The following NPHP4 variants were observed in gnomAD, a reference collection of about 807,000 sequenced individuals.
NPHP4 encodes the protein nephrocystin-4.
NPHP4 carries 151 observed loss-of-function variants against 155.8 expected under a neutral mutation model. The ratio of observed to expected loss-of-function variants is 0.97; its 90% CI spans 0.85 to 1.11. The LOEUF (loss-of-function observed/expected upper bound fraction) is 1.11. Among genes scored for constraint, NPHP4 ranks in the 50% least tolerant of loss-of-function variants. The probability of loss-of-function intolerance (pLI) is 0.00; values close to 1 mark genes in which losing one functional copy is unlikely to be tolerated. For synonymous variants in NPHP4, 845 were observed against 816.8 expected, an observed-to-expected ratio of 1.03 and a Z score of -0.59; for missense variants, 1,956 against 1,925.7, an observed-to-expected ratio of 1.02 and a Z score of -0.29.
In NPHP4 at chr1:5,947,112, C is replaced by T. The variant is rs747859488; in HGVS notation, c.1111G>A (p.Asp371Asn). The T allele has an allele frequency of 3.1e-6, 5 of 1,613,892 alleles. No homozygotes were observed. The highest frequency in any genetic ancestry group is 4.2e-6 in the Non-Finnish European group (5 of 1,179,890). The change falls in exon 9 of 30, where the codon GAC becomes AAC. Residue 371 changes from aspartate to asparagine, a missense_variant. By Grantham distance (23) the Asp-to-Asn change is conservative (BLOSUM62 1). Coordinates refer to ENST00000378156, the MANE Select transcript of NPHP4 (RefSeq NM_015102.5). ...AAAAGGGCTGTTCTTACATTGCCGT[C>T]CACTCCTGCAGGGCTGCTGAACACG... Reference protein sequence around the residue: ...EYVFSSPAGVDGNAASVTSLS... With the variant: ...EYVFSSPAGVNGNAASVTSLS...
chr1:5,958,963 G>A (rs1246191301), intron 6 of NPHP4, among the ~76,000 whole-genome samples: 1 of 148,500 alleles, frequency 6.7e-6, no homozygotes, highest in African/African-American at 2.5e-5. Flanking sequence ...GGGCCCACAC[G>A]GCACTGGCAC....
Position 5,933,161 on chromosome 1 carries a change from T to C in NPHP4, c.1288A>G (p.Met430Val), listed in dbSNP as rs1646363252. 1.9e-6 allele frequency: 3 copies of C among 1,592,032 alleles called. No homozygotes were observed. The highest frequency in any genetic ancestry group is 1.3e-5 in the African/African-American group (1 of 74,438). ...CLVYKVPSASMSSEEVKQVES... is the reference protein window; with the variant it reads ...CLVYKVPSASVSSEEVKQVES... ...TAATAATTTACCTCTTCAGAGCTCA[T>C]GCTGGCTGAGGGTACCTTGTAGACC... Residue 430 changes from methionine (M) to valine (V), a missense_variant, in exon 10 of 30, where the codon ATG becomes GTG. Met to Val is a conservative substitution (Grantham distance 21, BLOSUM62 1). Coordinates refer to ENST00000378156, the MANE Select transcript of NPHP4 (RefSeq NM_015102.5).
rs114555857 is a variant in NPHP4 at position 5,864,666 on chromosome 1, A to C, written c.3817-149T>G. ...AAATCTGAGGCCACAACCAACCCTG[A>C]CATGACTGTGGCCGCGACTTGGGTC... On this transcript the variant is annotated intron_variant, in intron 27 of 29. Transcript: ENST00000378156. 0.044 allele frequency: 28,825 copies of C among 654,662 alleles called. 945 individuals are homozygous for C. Among genetic ancestry groups the C allele is most frequent in the Admixed American group, 0.14 (4,368 of 31,880 alleles). 40.6% of individuals were successfully genotyped at this position (654,662 alleles called of 1,614,324 possible). A position where few individuals can be genotyped will look rare whatever the true frequency, so the allele number is the denominator to read the frequency against.
intron 1 of NPHP4, among the ~76,000 whole-genome samples, chr1:5,988,815 C>T (rs891408598): frequency 6.6e-6 from 1 of 151,958 alleles, no homozygotes; most frequent in African/African-American, 2.4e-5. Flanking sequence ...GGTCCCGCCT[C>T]CACCCACAGT....
rs1322452615 is a variant in NPHP4, at chr1:5,864,488, C to T, written c.3846G>A (p.Pro1282=). 22 of 1,592,946 alleles carry T rather than the reference C, an allele frequency of 1.4e-5. 1 individual carries two copies. The South Asian group carries it at 1.8e-4, about 13-fold the overall frequency. Residue 1282 remains proline (P), a synonymous_variant, in exon 28 of 30, where the codon CCG becomes CCA. Transcript: ENST00000378156. ...CATGCAGGTCCTGCACCCCACGAGG[C>T]GGCAGCACGAAGACACCTTTGGGGT... ...KTDPKGVFVL[P]PRGVQDLHVG...
At chr1:5,908,510 C>T (rs1388837718) in intron 12 of NPHP4, among the ~76,000 whole-genome samples, 5 of 152,214 alleles carry the variant, frequency 3.3e-5, no homozygotes, top group African/African-American at 9.6e-5. Context: ...ATAGCTAAGG[C>T]CAGCCTTGGA....
rs188078430 is a variant in NPHP4 at position 5,910,066 on chromosome 1, T to A, written c.1442-853A>T. On this transcript the variant is annotated intron_variant, in intron 11 of 29. Coordinates refer to ENST00000378156, the MANE Select transcript of NPHP4 (RefSeq NM_015102.5). The surrounding 1 kb of genome is among the most constrained non-coding windows in gnomAD (Gnocchi z 5.4). ...ACCCACCAGGCTCCTGCCACAGCGG[T>A]GCTGGAGCGTCCATAGCCACTCGTC... is the stretch of plus-strand genomic sequence containing the variant. Among the ~76,000 whole-genome samples the A allele has an allele frequency of 6.6e-6, 1 of 152,286 alleles. No homozygotes were observed. Among genetic ancestry groups the A allele is most frequent in the African/African-American group, 2.4e-5 (1 of 41,558 alleles).
rs1423729032 is a variant in NPHP4, at chr1:5,949,561, C to T, written c.811-1310G>A. Among the ~76,000 whole-genome samples, 3 of 152,000 alleles carry T rather than the reference C, an allele frequency of 2.0e-5. No homozygotes were observed. The East Asian group carries it at 5.8e-4, about 29-fold the overall frequency. On this transcript the variant is annotated intron_variant, in intron 7 of 29. Coordinates refer to ENST00000378156, the MANE Select transcript of NPHP4 (RefSeq NM_015102.5). The stretch of plus-strand genomic sequence containing the variant: ...TAACAGATAAGAAGGCCAGCTGCTC[C>T]CAGGAAGGGCTGAGCACCCGGGAGG...
intron 18 of NPHP4, among the ~76,000 whole-genome samples, chr1:5,885,707 C>G (rs1643737382): frequency 6.6e-6 from 1 of 152,256 alleles, no homozygotes; most frequent in African/African-American, 2.4e-5. Context: ...GGCTCAGGTT[C>G]TGTCCCGTGC....
In NPHP4 at chr1:5,867,883, G is replaced by A. The variant is rs139767853; in HGVS notation, c.3329C>T (p.Ala1110Val). 8,844 of 1,613,652 alleles carry A rather than the reference G, an allele frequency of 5.5e-3. 30 individuals are homozygous for A. The highest frequency in any genetic ancestry group is 6.8e-3 in the Non-Finnish European group (8,055 of 1,179,868). ...PTKHAKVLFR[A>V]SGGKPIAVLC... ...CACGGCGATGGGCTTGCCACCACTC[G>A]CTCGGAACAAGACCTGTGAGGAGGC... Residue 1110 changes from alanine to valine, a missense_variant, in exon 24 of 30, where the codon GCG becomes GTG. Transcript: ENST00000378156. This position sits in a 1 kb window ranked among gnomAD's most constrained non-coding sequence, Gnocchi z 4.1.
At chr1:5,894,623 A>G (rs1173576756) in intron 16 of NPHP4, among the ~76,000 whole-genome samples, 1 of 152,210 alleles carries the variant, frequency 6.6e-6, no homozygotes, top group East Asian at 1.9e-4. Flanking sequence ...AGGAAAATTC[A>G]TAGCCTTGAA....
Position 5,975,817 on chromosome 1 carries a change from G to A in NPHP4, c.279+2453C>T, listed in dbSNP as rs113960999. On this transcript the variant is annotated intron_variant, in intron 3 of 29. Coordinates refer to ENST00000378156, the MANE Select transcript of NPHP4 (RefSeq NM_015102.5). ...CCTCGGAGTGCATGAACATAATCCC[G>A]AGAAGGGCAGAGAGAGGCATCCATT... Among the ~76,000 whole-genome samples, 468 of 152,332 alleles carry A rather than the reference G, an allele frequency of 3.1e-3. 3 individuals are homozygous for A. Among genetic ancestry groups the A allele is most frequent in the African/African-American group, 0.01 (431 of 41,574 alleles).
chr1:5,970,692 CAA>C (rs1374133262), intron 3 of NPHP4, among the ~76,000 whole-genome samples: 3 of 152,006 alleles, frequency 2.0e-5, no homozygotes, highest in Non-Finnish European at 2.9e-5. Flanking sequence ...CCATAAGGCA[CAA>C]AGAGGTAAGG....
In NPHP4 at chr1:5,864,011, G is replaced by A. The variant is rs201560526; in HGVS notation, c.4019C>T (p.Ala1340Val). ...CTTGTTGACACCCTTCCCTTCGCCC[G>A]CAGCCAACATGATCTCAAAGGCCTG... ...ISKAFEIMLA[A>V]GEGKGVNKRI... The change falls in exon 29 of 30, where the codon GCG (alanine) becomes GTG (valine). Residue 1340 changes from alanine (A) to valine (V), a missense_variant. Transcript: ENST00000378156. 100 of 1,613,218 alleles carry A rather than the reference G, an allele frequency of 6.2e-5. No individual in the cohort carries two copies. Among genetic ancestry groups the A allele is most frequent in the Middle Eastern group, 1.7e-4 (1 of 6,022 alleles).
rs757497134 is a variant in NPHP4 at position 5,905,751 on chromosome 1, G to A, written c.1644C>T (p.His548=). Residue 548 remains histidine, a synonymous_variant, in exon 14 of 30, where the codon CAC becomes CAT. Transcript: ENST00000378156. This position sits in a 1 kb window ranked among gnomAD's most constrained non-coding sequence, Gnocchi z 4.0. ...QEFPLEAGIS[H]LEADLSQTSL... ...AGGTCTGGCTCAGGTCGGCTTCCAG[G>A]TGGGAGATACCGGCCTCCAACGGGA... is the stretch of plus-strand genomic sequence containing the variant. The A allele has an allele frequency of 6.2e-7, 1 of 1,612,146 alleles. No individual in the cohort carries two copies.
intron 5 of NPHP4, among the ~76,000 whole-genome samples, chr1:5,964,927 A>ATTTTTTT (rs1553194713): frequency 3.7e-5 from 1 of 27,016 alleles, no homozygotes; most frequent in Non-Finnish European, 6.2e-5. Context: ...TTATATATAT[A>ATTTTTTT]TATATATATA....
rs1373256085 is a variant in NPHP4 at position 5,947,093 on chromosome 1, G to T, written c.1119+11C>A. Reference sequence around the variant, plus strand: ...ACCAGAGGAAACCGAGTGCAAAAGGGCTGTTCTTACATTGCCGTCCACTCC... The same window carrying T: ...ACCAGAGGAAACCGAGTGCAAAAGGTCTGTTCTTACATTGCCGTCCACTCC... On this transcript the variant is annotated intron_variant, in intron 9 of 29. Coordinates refer to ENST00000378156, the MANE Select transcript of NPHP4 (RefSeq NM_015102.5). The T allele has an allele frequency of 6.2e-7, 1 of 1,613,816 alleles. No homozygotes were observed. Among genetic ancestry groups the T allele is most frequent in the East Asian group, 2.2e-5 (1 of 44,882 alleles).
In NPHP4 at chr1:5,939,358, C is replaced by T. The variant is rs115750551; in HGVS notation, c.1120-6029G>A. Among the ~76,000 whole-genome samples the T allele has an allele frequency of 3.1e-3, 473 of 152,344 alleles. 1 individual carries two copies. Among genetic ancestry groups the T allele is most frequent in the African/African-American group, 0.011 (447 of 41,576 alleles). On this transcript the variant is annotated intron_variant, in intron 9 of 29. Coordinates refer to ENST00000378156, the MANE Select transcript of NPHP4 (RefSeq NM_015102.5). ...TGACAATGACTAAAAGAAGCAACAG[C>T]AAAACTGTCACGCATTTGGAGCCAT...
chr1:5,916,925 C>T (rs1052066417), intron 11 of NPHP4, among the ~76,000 whole-genome samples: 2 of 152,228 alleles, frequency 1.3e-5, no homozygotes, highest in African/African-American at 4.8e-5. Flanking sequence ...GAAAGAGTCA[C>T]AGGAACTACT....
Sources: gnomAD v4.1 joint callset for allele counts (sites outside exome capture counted in the v4.1 genomes callset) on GRCh38, gnomAD v4.1.1 for gene constraint, Gnocchi (gnomAD v3.1) non-coding constraint, MANE v1.5 for transcripts, NCBI Gene and HGNC (gene_info 2026-07-23, HGNC 2026-07-21) for gene names.